Variants in UCHL3 observed in about 807,000 individuals in gnomAD.
UCHL3 encodes ubiquitin C-terminal hydrolase L3.
A neutral mutation model predicts 35.8 loss-of-function variants in UCHL3; 22 were observed. That is an observed-to-expected ratio of 0.61 (90% CI 0.44 to 0.88). UCHL3 has a LOEUF of 0.88. Among genes scored for constraint, UCHL3 ranks in the 40% least tolerant of loss-of-function variants. The pLI, the probability that UCHL3 is intolerant of heterozygous loss-of-function variation, is 0.00. For missense variants in UCHL3, 229 were observed against 276.9 expected, an observed-to-expected ratio of 0.83 and a Z score of 1.23; for synonymous variants, 90 against 92.8, an observed-to-expected ratio of 0.97 and a Z score of 0.17.
intron 6 of UCHL3, chr13:75,589,973 C>A: frequency 7.7e-7 from 1 of 1,304,746 alleles, no homozygotes; most frequent in Non-Finnish European, 1.0e-6. Flanking sequence ...CTCATTCTAG[C>A]CACTGCAGAA....
At chr13:75,591,950 A>G (rs1161569853) in intron 6 of UCHL3, among the ~76,000 whole-genome samples, 1 of 152,088 alleles carries the variant, frequency 6.6e-6, no homozygotes, top group Non-Finnish European at 1.5e-5. Flanking sequence ...TCCTTTGAAC[A>G]TCCTGTTGGT....
intron 6 of UCHL3, among the ~76,000 whole-genome samples, chr13:75,584,341 G>T (rs2032265511): frequency 6.6e-6 from 1 of 152,118 alleles, no homozygotes; most frequent in Admixed American, 6.5e-5. Context: ...CTGAGCAAAA[G>T]CCTAAAGCTG....
At chr13:75,584,482 C>A (rs1412949434) in intron 6 of UCHL3, among the ~76,000 whole-genome samples, 1 of 152,188 alleles carries the variant, frequency 6.6e-6, no homozygotes, top group Non-Finnish European at 1.5e-5. Flanking sequence ...AAAACCCAAA[C>A]AGTAAACTCT....
intron 7 of UCHL3, among the ~76,000 whole-genome samples, chr13:75,597,377 AAAAAG>A (rs1239531320): frequency 2.0e-5 from 3 of 149,986 alleles, no homozygotes; most frequent in Non-Finnish European, 4.5e-5. Flanking sequence ...CTCTTAAAAA[AAAAAG>A]AAAAGAAGAC....
chr13:75,592,433 T>TACATATATAC (rs1286363961), intron 6 of UCHL3, among the ~76,000 whole-genome samples: 2,167 of 99,040 alleles, frequency 0.022, 160 homozygotes, highest in Middle Eastern at 0.059. Context: ...TATATATATA[T>TACATATATAC]ATATATATAT....
intron 6 of UCHL3, among the ~76,000 whole-genome samples, chr13:75,591,155 T>C (rs757870650): frequency 6.6e-6 from 1 of 152,220 alleles, no homozygotes; most frequent in Non-Finnish European, 1.5e-5. Context: ...ATGGCAAGCA[T>C]TCTTTCCTTC....
chr13:75,596,838 G>A (rs1051308187), intron 7 of UCHL3, among the ~76,000 whole-genome samples: 1 of 151,786 alleles, frequency 6.6e-6, no homozygotes, highest in African/African-American at 2.4e-5. Context: ...ATGCTCTTTT[G>A]GAGCATGCCA....
At chr13:75,563,201 C>T (rs1024216223) in intron 3 of UCHL3, among the ~76,000 whole-genome samples, 1 of 152,026 alleles carries the variant, frequency 6.6e-6, no homozygotes, top group African/African-American at 2.4e-5. Flanking sequence ...TTTGAGACAG[C>T]ATCTCACTCT....
At chr13:75,605,150 A>C (rs2032900705) in intron 8 of UCHL3, among the ~76,000 whole-genome samples, 1 of 152,218 alleles carries the variant, frequency 6.6e-6, no homozygotes, top group African/African-American at 2.4e-5. Flanking sequence ...AAACATGAAT[A>C]AATTGTGTGG....
At chr13:75,558,316 T>A (rs948198197) in intron 2 of UCHL3, among the ~76,000 whole-genome samples, 1 of 152,212 alleles carries the variant, frequency 6.6e-6, no homozygotes, top group African/African-American at 2.4e-5. Context: ...TGGTTCCTAG[T>A]ACTTTTTGTA....
At chr13:75,604,669 A>G (rs1238357399) in intron 7 of UCHL3, 100 bp from the exon 8 acceptor site, 3 of 856,584 alleles carry the variant, frequency 3.5e-6, no homozygotes, top group South Asian at 4.9e-5. Context: ...AATGGCTTTT[A>G]ACTTTTCTTG....
intron 2 of UCHL3, among the ~76,000 whole-genome samples, chr13:75,558,885 T>C (rs1219664204): frequency 1.3e-5 from 2 of 152,150 alleles, no homozygotes; most frequent in African/African-American, 4.8e-5. Context: ...TAGAATTGAA[T>C]ACTGAAAAAG....
At chr13:75,592,451 T>TGTATATACATATATAC (rs1566228160) in intron 6 of UCHL3, among the ~76,000 whole-genome samples, 2 of 81,578 alleles carry the variant, frequency 2.5e-5, no homozygotes, top group African/African-American at 3.9e-5. Flanking sequence ...TATATATATA[T>TGTATATACATATATAC]ATATATATAT....
intron 7 of UCHL3, among the ~76,000 whole-genome samples, chr13:75,602,544 A>T (rs8192762): frequency 0.8 from 121,817 of 152,120 alleles, 49,519 homozygotes; most frequent in Middle Eastern, 0.91. Flanking sequence ...TCATGGATTC[A>T]TCTGCAGCGT....
At chr13:75,549,561 A>G (rs764484496), upstream of UCHL3, 279 of 455,814 alleles carry the variant, frequency 6.1e-4, no homozygotes, top group Non-Finnish European at 8.5e-4. Flanking sequence ...GTGGATTCAG[A>G]TACTGTTTTT....
At chr13:75,568,869 G>A (rs982397605) in intron 5 of UCHL3, among the ~76,000 whole-genome samples, 2 of 152,086 alleles carry the variant, frequency 1.3e-5, no homozygotes, top group African/African-American at 4.8e-5. Flanking sequence ...TATTTATAAA[G>A]ATTGTACTTT....
At chr13:75,579,486 C>T (rs1167510943) in intron 6 of UCHL3, among the ~76,000 whole-genome samples, 4 of 151,432 alleles carry the variant, frequency 2.6e-5, no homozygotes, top group South Asian at 2.1e-4. Flanking sequence ...TTTTTTGTTT[C>T]TTCTGAACAT....
At chr13:75,566,173 G>A (rs2031676008) in intron 3 of UCHL3, among the ~76,000 whole-genome samples, 1 of 152,180 alleles carries the variant, frequency 6.6e-6, no homozygotes, top group African/African-American at 2.4e-5. Context: ...CACCCTTTCA[G>A]ACTTTCCAAT....
chr13:75,597,597 G>T (rs2032677034), intron 7 of UCHL3, among the ~76,000 whole-genome samples: 1 of 152,062 alleles, frequency 6.6e-6, no homozygotes, highest in Non-Finnish European at 1.5e-5. Context: ...ATCTAGAGAT[G>T]ATTTAAAGTA....
Sources: gnomAD v4.1 joint callset for allele counts (sites outside exome capture counted in the v4.1 genomes callset) on GRCh38, gnomAD v4.1.1 for gene constraint, MANE v1.5 for transcripts, NCBI Gene and HGNC (gene_info 2026-07-23, HGNC 2026-07-21) for gene names.